Variants in GRIA3 observed in about 807,000 individuals in gnomAD.
The protein encoded by GRIA3 is glutamate ionotropic receptor AMPA type subunit 3.
In GRIA3, 3 loss-of-function variants were observed where a neutral mutation model predicts 63.0. The observed-to-expected ratio is 0.05, with a 90% confidence interval of 0.02 to 0.12. The LOEUF is 0.12. GRIA3 is among the 10% of genes least tolerant of loss of function. The pLI, the probability that GRIA3 is intolerant of heterozygous loss-of-function variation, is 1.00. For missense variants in GRIA3, 347 were observed against 700.9 expected (o/e 0.50, Z 5.70); for synonymous variants, 274 against 257.9 (o/e 1.06, Z -0.60).
At chrX:123,188,795 A>C (rs1342011505) in intron 2 of GRIA3, among the ~76,000 whole-genome samples, 2 of 111,783 alleles carry the variant, frequency 1.8e-5, no homozygotes, top group Non-Finnish European at 3.8e-5. Context: ...GCAGGCACAC[A>C]CTTTCTAGGG....
At chrX:123,463,930 T>A (rs2045821273) in intron 12 of GRIA3, among the ~76,000 whole-genome samples, 1 of 111,001 alleles carries the variant, frequency 9.0e-6, no homozygotes, top group African/African-American at 3.3e-5. Context: ...GTCATTTATT[T>A]GGGGTACCGT....
chrX:123,185,079 G>T (rs1305706581), intron 1 of GRIA3: 2 of 314,542 alleles, frequency 6.4e-6, no homozygotes, highest in Admixed American at 6.4e-5. Flanking sequence ...CGGGCCCGGG[G>T]TGCTCAGTCC....
At chrX:123,282,533 C>G (rs188093152) in intron 3 of GRIA3, among the ~76,000 whole-genome samples, 326 of 112,535 alleles carry the variant, frequency 2.9e-3, no homozygotes, top group Non-Finnish European at 5.5e-3. Context: ...ACCACCTCTC[C>G]CCATCGCCAA....
rs745376362 is a variant in GRIA3, at chrX:123,401,187, C to G, written c.1081-1807C>G. Among the ~76,000 whole-genome samples the G allele has an allele frequency of 8.9e-5, 10 of 112,067 alleles. No individual in the cohort carries two copies. In the South Asian group the frequency reaches 3.7e-3, roughly 42 times the overall value. On this transcript the variant is annotated intron_variant, in intron 7 of 15. Transcript: ENST00000620443. ...GGACCACATCCTTAAAAATAGATTTCTCTGAGTGGTAGTCCAATTCTACTT... is the reference window on the plus strand; with the variant it reads ...GGACCACATCCTTAAAAATAGATTTGTCTGAGTGGTAGTCCAATTCTACTT...
At chrX:123,207,240 T>C (rs188584212) in intron 2 of GRIA3, among the ~76,000 whole-genome samples, 213 of 112,124 alleles carry the variant, frequency 1.9e-3, no homozygotes, top group African/African-American at 6.6e-3. Context: ...CTTTCATTTT[T>C]TCTTCCTATG....
intron 7 of GRIA3, among the ~76,000 whole-genome samples, chrX:123,400,924 T>A (rs2045440316): frequency 8.9e-6 from 1 of 112,226 alleles, no homozygotes; most frequent in African/African-American, 3.2e-5. Context: ...AGATTCTAAG[T>A]CTTTGAGACT....
At chrX:123,432,766 T>C (rs2045625198) in intron 12 of GRIA3, among the ~76,000 whole-genome samples, 1 of 112,260 alleles carries the variant, frequency 8.9e-6, no homozygotes, top group Non-Finnish European at 1.9e-5. Flanking sequence ...TTTCATCATT[T>C]AGACAGAGTT....
At chrX:123,362,506 C>CT (rs1376043761) in intron 5 of GRIA3, among the ~76,000 whole-genome samples, 2 of 111,100 alleles carry the variant, frequency 1.8e-5, no homozygotes. Flanking sequence ...CCTGAACAGT[C>CT]AGAAGGCAAT....
chrX:123,225,261 G>T (rs779570639), intron 2 of GRIA3, among the ~76,000 whole-genome samples: 2 of 111,990 alleles, frequency 1.8e-5, no homozygotes, highest in Non-Finnish European at 3.8e-5. Context: ...CACCTATAGT[G>T]CCTGACACAT....
intron 7 of GRIA3, among the ~76,000 whole-genome samples, chrX:123,402,395 G>GTATA (rs57132663): frequency 5.5e-4 from 57 of 104,327 alleles, no homozygotes; most frequent in African/African-American, 1.2e-3. Flanking sequence ...ATGTGTGTGT[G>GTATA]TATATATATA....
intron 13 of GRIA3, among the ~76,000 whole-genome samples, chrX:123,479,290 AC>A (rs1296913377): frequency 8.9e-6 from 1 of 112,612 alleles, no homozygotes; most frequent in Non-Finnish European, 1.9e-5. Flanking sequence ...TAAGTTGACC[AC>A]AGACATATGG....
chrX:123,193,992 C>G (rs189929495), intron 2 of GRIA3, among the ~76,000 whole-genome samples: 1 of 111,286 alleles, frequency 9.0e-6, no homozygotes, highest in East Asian at 2.9e-4. Context: ...AAATACACTT[C>G]ACCTATTTTT....
intron 2 of GRIA3, among the ~76,000 whole-genome samples, chrX:123,244,879 A>C (rs1036760019): frequency 1.8e-5 from 2 of 112,757 alleles, no homozygotes; most frequent in African/African-American, 6.4e-5. Flanking sequence ...TCCATTAACA[A>C]TTCATACACA....
chrX:123,269,069 A>G, intron 3 of GRIA3, among the ~76,000 whole-genome samples: 1 of 112,032 alleles, frequency 8.9e-6, no homozygotes, highest in Non-Finnish European at 1.9e-5. Context: ...GAGTCAATGT[A>G]CCTTCCCATG....
At chrX:123,264,517 A>G (rs767271949) in intron 3 of GRIA3, among the ~76,000 whole-genome samples, 1 of 111,455 alleles carries the variant, frequency 9.0e-6, no homozygotes, top group East Asian at 2.8e-4. Context: ...GGTTTGGCCT[A>G]TGTGAAACTC....
intron 15 of GRIA3, among the ~76,000 whole-genome samples, chrX:123,487,721 T>C (rs1243757642): frequency 8.9e-6 from 1 of 111,749 alleles, no homozygotes; most frequent in African/African-American, 3.3e-5. Context: ...TTATTCTTTC[T>C]GCCAGATACA....
At chrX:123,413,362 G>C (rs2045517555) in intron 10 of GRIA3, among the ~76,000 whole-genome samples, 1 of 108,155 alleles carries the variant, frequency 9.2e-6, no homozygotes. Flanking sequence ...AAAAATACTG[G>C]TTAAATTAAG....
chrX:123,243,782 A>T (rs1276036301), intron 2 of GRIA3, among the ~76,000 whole-genome samples: 1 of 111,810 alleles, frequency 8.9e-6, no homozygotes, highest in Non-Finnish European at 1.9e-5. Flanking sequence ...ACACTGCCAC[A>T]CACTAGGAAC....
chrX:123,186,520 C>A (rs1292408185), intron 2 of GRIA3, among the ~76,000 whole-genome samples: 7 of 111,604 alleles, frequency 6.3e-5, no homozygotes, highest in African/African-American at 2.3e-4. Context: ...AACAAGTGAC[C>A]TTGAGGGGCA....
Sources: gnomAD v4.1 joint callset for allele counts (sites outside exome capture counted in the v4.1 genomes callset) on GRCh38, gnomAD v4.1.1 for gene constraint, MANE v1.5 for transcripts, NCBI Gene and HGNC (gene_info 2026-07-23, HGNC 2026-07-21) for gene names.